LSP1: variants seen among roughly 807,000 people sequenced by gnomAD.
The protein encoded by LSP1 is lymphocyte specific protein 1.
A neutral mutation model predicts 49.3 loss-of-function variants in LSP1; 32 were observed. The observed-to-expected ratio is 0.65, with a 90% CI of 0.49 to 0.87. The LOEUF (loss-of-function observed/expected upper bound fraction) is 0.87, where lower values mean the gene tolerates loss of function less well. Ranked by LOEUF, LSP1 falls within the 40% of genes least tolerant of loss-of-function variation. The probability of loss-of-function intolerance (pLI) is 0.00; values close to 1 mark genes in which losing one functional copy is unlikely to be tolerated. For missense variants in LSP1, 428 were observed against 442.6 expected, an observed-to-expected ratio of 0.97 and a Z score of 0.30; for synonymous variants, 179 against 178.8, an observed-to-expected ratio of 1.00 and a Z score of -0.01.
At chr11:1,867,284 T>A (rs1171087479) in intron 1 of LSP1, among the ~76,000 whole-genome samples, 2 of 152,034 alleles carry the variant, frequency 1.3e-5, no homozygotes, top group African/African-American at 4.8e-5. Context: ...CTGACACGTG[T>A]GCACTAATAC....
At position 1,884,048 on chromosome 11, in the gene LSP1, C is replaced by T; in HGVS notation, c.591+24C>T. ...AAGTAAGTTAAGCTGCAAAGCCTGC[C>T]ATCTTCTCCCCTCTCCCGTACTCAT... On this transcript the variant is annotated intron_variant, in intron 5 of 10. Coordinates refer to ENST00000311604, the MANE Select transcript of LSP1 (RefSeq NM_002339.3). This position sits in a 1 kb window ranked among gnomAD's most constrained non-coding sequence, Gnocchi z 4.1. 6.3e-7 allele frequency: 1 copy of T among 1,595,078 alleles called. No homozygotes were observed. The highest frequency in any genetic ancestry group is 1.1e-5 in the South Asian group (1 of 89,072).
intron 1 of LSP1, among the ~76,000 whole-genome samples, chr11:1,874,864 C>T (rs1039924356): frequency 2.0e-5 from 3 of 152,236 alleles, no homozygotes; most frequent in Admixed American, 2.0e-4. Flanking sequence ...CGGCAGGGCC[C>T]CCCTTGGTTA....
At chr11:1,870,656 G>A (rs35241556) in intron 1 of LSP1, 33,321 of 1,083,668 alleles carry the variant, frequency 0.031, 750 homozygotes, top group South Asian at 0.1. Context: ...TGTGGCTCCC[G>A]CCCAGGTGGG....
intron 1 of LSP1, among the ~76,000 whole-genome samples, chr11:1,873,829 C>A (rs376334445): frequency 6.9e-6 from 1 of 145,414 alleles, no homozygotes; most frequent in African/African-American, 2.6e-5. Context: ...GGAGGGAGGC[C>A]GGCAGAGGAG....
intron 1 of LSP1, among the ~76,000 whole-genome samples, chr11:1,856,008 C>T (rs1042758653): frequency 2.6e-5 from 4 of 152,198 alleles, no homozygotes; most frequent in African/African-American, 9.6e-5. Context: ...GGGGTGTACC[C>T]TCCCTGGGGT....
Position 1,887,528 on chromosome 11 carries a change from G to A in LSP1, c.985G>A (p.Glu329Lys). The A allele has an allele frequency of 6.2e-7, 1 of 1,613,926 alleles. No homozygotes were observed. The highest frequency in any genetic ancestry group is 8.5e-7 in the Non-Finnish European group (1 of 1,179,962). ...TGTGGCCACCGGGCATGGGAAGTAT[G>A]AGAAGGTGCTTGTGGAAGGGGGCCC... is the stretch of plus-strand genomic sequence containing the variant. ...KFVATGHGKY[E>K]KVLVEGGPAP Residue 329 changes from glutamate (E) to lysine (K), a missense_variant, in exon 10 of 11, where the codon GAG (glutamate) becomes AAG (lysine). Transcript: ENST00000311604.
At chr11:1,865,305 G>A in intron 1 of LSP1, 1 of 928,740 alleles carries the variant, frequency 1.1e-6, no homozygotes, top group South Asian at 4.9e-5. Context: ...GGCAGGGCAG[G>A]GTGCCCATGC....
chr11:1,879,865 C>A (rs1848462866), intron 1 of LSP1, among the ~76,000 whole-genome samples: 1 of 152,166 alleles, frequency 6.6e-6, no homozygotes. Flanking sequence ...CTCACAGGGC[C>A]CCAGGACCCT....
chr11:1,889,608 G>A, intron 10 of LSP1: 1 of 616,372 alleles, frequency 1.6e-6, no homozygotes, highest in Middle Eastern at 2.6e-4. Flanking sequence ...GACAGGGCAT[G>A]GGTGAGGGCC....
At chr11:1,866,274 C>T (rs1280260555) in intron 1 of LSP1, among the ~76,000 whole-genome samples, 2 of 152,204 alleles carry the variant, frequency 1.3e-5, no homozygotes, top group African/African-American at 2.4e-5. Flanking sequence ...GGCCGGACCT[C>T]GAGCTACTGG....
intron 1 of LSP1, chr11:1,870,496 C>G: frequency 8.4e-7 from 1 of 1,194,116 alleles, no homozygotes; most frequent in Admixed American, 3.6e-5. Context: ...CCAGGCCGGG[C>G]ACCCCAGAGC....
chr11:1,890,229 A>C, intron 10 of LSP1: 1 of 715,408 alleles, frequency 1.4e-6, no homozygotes, highest in Non-Finnish European at 2.6e-6. Context: ...GTGGTGGATG[A>C]TGGGGGTGTG....
chr11:1,855,699 A>G (rs1016143893), intron 1 of LSP1, among the ~76,000 whole-genome samples: 5 of 151,944 alleles, frequency 3.3e-5, no homozygotes, highest in Non-Finnish European at 7.4e-5. Flanking sequence ...ACTCGGGGGC[A>G]CTCCTGTCTC....
intron 1 of LSP1, among the ~76,000 whole-genome samples, chr11:1,855,620 G>T (rs947626739): frequency 6.6e-6 from 1 of 152,206 alleles, no homozygotes; most frequent in Non-Finnish European, 1.5e-5. Context: ...GGCCAAAGAA[G>T]GTCCCCTGAC....
intron 1 of LSP1, chr11:1,865,153 C>A: frequency 2.0e-6 from 2 of 981,868 alleles, no homozygotes; most frequent in East Asian, 1.1e-4. Context: ...GCTGCTCTAT[C>A]CCCGGGGCTG....
At chr11:1,866,793 T>A in intron 1 of LSP1, 1 of 1,550,338 alleles carries the variant, frequency 6.5e-7, no homozygotes, top group Non-Finnish European at 8.7e-7. Context: ...GAGAAGGAAG[T>A]GCAGCCCCCG....
chr11:1,871,296 G>A (rs1261413852), intron 1 of LSP1: 2 of 986,128 alleles, frequency 2.0e-6, no homozygotes, highest in African/African-American at 1.7e-5. Flanking sequence ...AGCAGGGCGG[G>A]GCCCTAACCT....
At chr11:1,874,086 GC>G (rs1848191717) in intron 1 of LSP1, among the ~76,000 whole-genome samples, 11 of 141,356 alleles carry the variant, frequency 7.8e-5, no homozygotes, top group African/African-American at 8.2e-5. Flanking sequence ...AGGGAGGCCG[GC>G]AGAGCAGGGA....
chr11:1,868,661 C>A, intron 1 of LSP1: 1 of 985,772 alleles, frequency 1.0e-6, no homozygotes, highest in Non-Finnish European at 1.2e-6. Context: ...TGGGGTAGCC[C>A]CCGCCCTGGC....
Sources: gnomAD v4.1 joint callset for allele counts (sites outside exome capture counted in the v4.1 genomes callset) on GRCh38, gnomAD v4.1.1 for gene constraint, Gnocchi (gnomAD v3.1) non-coding constraint, MANE v1.5 for transcripts, NCBI Gene and HGNC (gene_info 2026-07-23, HGNC 2026-07-21) for gene names.